KATNAL1: variants seen among roughly 807,000 people sequenced by gnomAD.
KATNAL1 encodes katanin catalytic subunit A1 like 1.
In KATNAL1, 32 loss-of-function variants were observed where a neutral mutation model predicts 55.2. The observed-to-expected ratio is 0.58, with a 90% CI of 0.44 to 0.78. The LOEUF (loss-of-function observed/expected upper bound fraction) is 0.78. Among genes scored for constraint, KATNAL1 ranks in the 30% least tolerant of loss-of-function variants. The pLI is 0.00. For missense variants in KATNAL1, 466 were observed against 600.9 expected (o/e 0.78, Z 2.35); for synonymous variants, 193 against 193.6 (o/e 1.00, Z 0.02).
intron 6 of KATNAL1, among the ~76,000 whole-genome samples, chr13:30,238,826 G>A (rs750367662): frequency 6.6e-6 from 1 of 152,168 alleles, no homozygotes; most frequent in South Asian, 2.1e-4. Flanking sequence ...GGCTAAATAA[G>A]TGCTTGACGG....
Position 30,210,404 on chromosome 13 carries a change from C to G in KATNAL1, c.1186G>C (p.Glu396Gln), listed in dbSNP as rs1873569647. ...TGAATATCAGGATCTAATTCGACCT[C>G]ACGAAGGTTGATCTTCAGAAGCTCA... ...RAELLKINLREVELDPDIQLE... is the reference protein window; with the variant it reads ...RAELLKINLRQVELDPDIQLE... Residue 396 changes from glutamate (E) to glutamine (Q), a missense_variant, in exon 10 of 11, where the codon GAG (glutamate) becomes CAG (glutamine). By Grantham distance (29) the Glu-to-Gln change is conservative (BLOSUM62 2). Around this residue, in one of 3 missense-constraint regions of KATNAL1, gnomAD observed 213 missense variants for 308.6 expected, o/e 0.69. Coordinates refer to ENST00000380615, the MANE Select transcript of KATNAL1 (RefSeq NM_032116.5). The G allele has an allele frequency of 1.2e-6, 2 of 1,605,992 alleles. No homozygotes were observed. The highest frequency in any genetic ancestry group is 2.7e-5 in the African/African-American group (2 of 74,164).
At chr13:30,296,798 G>T in intron 1 of KATNAL1, 1 of 421,310 alleles carries the variant, frequency 2.4e-6, no homozygotes, top group Non-Finnish European at 4.7e-6. Flanking sequence ...GCTCACCTGT[G>T]CCCCTACCTA....
chr13:30,260,479 T>TC (rs1314843141), intron 3 of KATNAL1, among the ~76,000 whole-genome samples: 1 of 152,048 alleles, frequency 6.6e-6, no homozygotes, highest in African/African-American at 2.4e-5. Flanking sequence ...TGAAAAAAGT[T>TC]TAGAAGAATG....
At position 30,272,000 on chromosome 13, in the gene KATNAL1, T is replaced by C. The variant is rs151023540; in HGVS notation, c.323+8063A>G. 1.1e-3 allele frequency among the ~76,000 whole-genome samples: 160 copies of C among 151,702 alleles called. 1 individual carries two copies. The highest frequency in any genetic ancestry group is 3.6e-3 in the African/African-American group (147 of 41,340). ...TATTATGAAGGTTAAACAATGTAAG[T>C]CCAGAGAAGAGGCATTTTCATTATT... On this transcript the variant is annotated intron_variant, in intron 3 of 10. Coordinates refer to ENST00000380615, the MANE Select transcript of KATNAL1 (RefSeq NM_032116.5).
At chr13:30,304,009 T>C (rs1469713777) in intron 1 of KATNAL1, among the ~76,000 whole-genome samples, 1 of 152,212 alleles carries the variant, frequency 6.6e-6, no homozygotes, top group Non-Finnish European at 1.5e-5. Flanking sequence ...TTGAGCACTT[T>C]AGGGTTTACC....
At chr13:30,256,792 A>G (rs1878834988) in intron 3 of KATNAL1, among the ~76,000 whole-genome samples, 1 of 152,224 alleles carries the variant, frequency 6.6e-6, no homozygotes, top group Non-Finnish European at 1.5e-5. Context: ...AATTTCTAGA[A>G]GGCCGGCAAA....
chr13:30,260,870 G>A (rs1479273843), intron 3 of KATNAL1, among the ~76,000 whole-genome samples: 5 of 148,468 alleles, frequency 3.4e-5, no homozygotes, highest in African/African-American at 7.4e-5. Flanking sequence ...TACAGAGAAC[G>A]CCACAAAGAT....
chr13:30,241,850 C>T (rs887889174), intron 4 of KATNAL1, among the ~76,000 whole-genome samples: 1 of 152,214 alleles, frequency 6.6e-6, no homozygotes, highest in Non-Finnish European at 1.5e-5. Flanking sequence ...TGGACAGATG[C>T]TCTGGTTCCT....
At chr13:30,269,292 C>T (rs929355461) in intron 3 of KATNAL1, among the ~76,000 whole-genome samples, 5 of 152,258 alleles carry the variant, frequency 3.3e-5, no homozygotes, top group African/African-American at 7.2e-5. Flanking sequence ...CTGTGTTGGC[C>T]GGGCTGGTCT....
chr13:30,288,004 C>A (rs1881903929), intron 1 of KATNAL1, among the ~76,000 whole-genome samples: 1 of 152,118 alleles, frequency 6.6e-6, no homozygotes, highest in African/African-American at 2.4e-5. Flanking sequence ...CAGAGTACAA[C>A]TTTCTGTAAG....
chr13:30,218,091 A>C (rs1251430586), intron 9 of KATNAL1, among the ~76,000 whole-genome samples: 1 of 152,092 alleles, frequency 6.6e-6, no homozygotes, highest in African/African-American at 2.4e-5. Context: ...AAGTAGGAAG[A>C]AGCATGCGTG....
At chr13:30,242,320 C>T (rs981795266) in intron 4 of KATNAL1, among the ~76,000 whole-genome samples, 1 of 152,144 alleles carries the variant, frequency 6.6e-6, no homozygotes, top group South Asian at 2.1e-4. Flanking sequence ...TTAATAAACA[C>T]TACCTCAGGA....
chr13:30,210,260 G>C lies in KATNAL1; in HGVS notation c.1274+56C>G, dbSNP rs998534374. On this transcript the variant is annotated intron_variant, in intron 10 of 10. Coordinates refer to ENST00000380615, the MANE Select transcript of KATNAL1 (RefSeq NM_032116.5). ...GCTAACTACATTGACTTTAAGACCA[G>C]TCCTCCTGCGAAGTCTATAACTAAT... 4 of 1,463,288 alleles carry C rather than the reference G, an allele frequency of 2.7e-6. No individual in the cohort carries two copies. The Admixed American group carries it at 7.0e-5, about 26-fold the overall frequency. 90.6% of individuals were successfully genotyped at this position (1,463,288 alleles called of 1,614,324 possible). A position where few individuals can be genotyped will look rare whatever the true frequency, so the allele number is the denominator to read the frequency against.
intron 4 of KATNAL1, among the ~76,000 whole-genome samples, chr13:30,246,119 G>A (rs1397321393): frequency 6.6e-6 from 1 of 152,154 alleles, no homozygotes; most frequent in East Asian, 1.9e-4. Context: ...CAAAGCTGGA[G>A]GCATCATGCT....
At chr13:30,258,136 T>TA (rs1878943101) in intron 3 of KATNAL1, among the ~76,000 whole-genome samples, 1 of 152,250 alleles carries the variant, frequency 6.6e-6, no homozygotes, top group Admixed American at 6.5e-5. Flanking sequence ...AGTACTAGCT[T>TA]ACGGCACTTC....
intron 4 of KATNAL1, among the ~76,000 whole-genome samples, chr13:30,250,037 A>G (rs1878154455): frequency 1.3e-5 from 2 of 152,190 alleles, no homozygotes; most frequent in African/African-American, 4.8e-5. Flanking sequence ...TTGAGGTTCC[A>G]TAGTTTATTG....
intron 9 of KATNAL1, among the ~76,000 whole-genome samples, chr13:30,219,667 T>C (rs933959900): frequency 6.6e-6 from 1 of 152,244 alleles, no homozygotes; most frequent in East Asian, 1.9e-4. Context: ...AATGGAGTTC[T>C]AATTATAATT....
chr13:30,233,147 A>G (rs1396749280), intron 6 of KATNAL1, among the ~76,000 whole-genome samples: 1 of 152,222 alleles, frequency 6.6e-6, no homozygotes, highest in East Asian at 1.9e-4. Context: ...GCTTCTGCAC[A>G]GCAAAGGAAA....
chr13:30,296,030 G>A (rs1213121055), intron 1 of KATNAL1: 3 of 192,382 alleles, frequency 1.6e-5, no homozygotes, highest in Admixed American at 5.7e-5. Context: ...ATAGCAAGAT[G>A]CCAATTCTAA....
Sources: allele counts gnomAD v4.1 joint callset (sites outside exome capture counted in the v4.1 genomes callset), GRCh38; gene constraint gnomAD v4.1.1; regional missense constraint gnomAD v4.1.1; transcripts MANE v1.5; gene names NCBI Gene and HGNC (gene_info 2026-07-23, HGNC 2026-07-21).